The following DYRK1A variants were observed in gnomAD, a reference collection of about 807,000 sequenced individuals.
DYRK1A encodes the protein dual specificity tyrosine-phosphorylation-regulated kinase 1A.
In DYRK1A, 9 loss-of-function variants were observed where a neutral mutation model predicts 79.7. The observed-to-expected ratio is 0.11, with a 90% CI of 0.07 to 0.20. The LOEUF (loss-of-function observed/expected upper bound fraction) is 0.20, where lower values mean the gene tolerates loss of function less well. Ranked by LOEUF, DYRK1A falls within the 10% of genes least tolerant of loss-of-function variation. The probability of loss-of-function intolerance (pLI) is 1.00; values close to 1 mark genes in which losing one functional copy is unlikely to be tolerated. For synonymous variants in DYRK1A, 349 were observed against 329.7 expected (o/e 1.06, Z -0.63); for missense variants, 622 against 956.0 (o/e 0.65, Z 4.61).
chr21:37,473,086 T>TAACCAC (rs2052284956), intron 3 of DYRK1A, among the ~76,000 whole-genome samples: 1 of 152,246 alleles, frequency 6.6e-6, no homozygotes, highest in East Asian at 1.9e-4. Context: ...CTCATAAACA[T>TAACCAC]AACCACAGTC....
At chr21:37,434,638 A>T (rs919308995) in intron 2 of DYRK1A, among the ~76,000 whole-genome samples, 8 of 152,300 alleles carry the variant, frequency 5.3e-5, no homozygotes, top group African/African-American at 1.2e-4. Context: ...TATGAGTATT[A>T]TTTACTTGGT....
intron 4 of DYRK1A, 23 bp downstream of exon 4, chr21:37,478,323 A>T (rs979045780): frequency 6.2e-7 from 1 of 1,607,306 alleles, no homozygotes; most frequent in Non-Finnish European, 8.5e-7. Flanking sequence ...TTGTTATAAT[A>T]ACATCTATCT....
In DYRK1A at chr21:37,472,672, A is replaced by G. The variant is rs753071130; in HGVS notation, c.11-12A>G. ...TGAATATTTCCTTTAAACCTCACTTATCTTCTTGTAGGAGGAGAGACTTCA... is the reference window on the plus strand; with the variant it reads ...TGAATATTTCCTTTAAACCTCACTTGTCTTCTTGTAGGAGGAGAGACTTCA... On this transcript the variant is annotated splice_polypyrimidine_tract_variant and intron_variant, in intron 2 of 11. Coordinates refer to ENST00000647188, the MANE Select transcript of DYRK1A (RefSeq NM_001347721.2). The G allele has an allele frequency of 1.0e-5, 16 of 1,567,976 alleles. No individual in the cohort carries two copies. The highest frequency in any genetic ancestry group is 1.3e-5 in the Non-Finnish European group (15 of 1,150,574).
intron 3 of DYRK1A, among the ~76,000 whole-genome samples, chr21:37,477,793 C>T (rs913361658): frequency 2.3e-4 from 35 of 152,078 alleles, no homozygotes; most frequent in Non-Finnish European, 3.7e-4. Flanking sequence ...CCTCTGAGGG[C>T]TGGGTTTATC....
chr21:37,478,380 T>A, intron 4 of DYRK1A, 80 bp downstream of exon 4: 2 of 1,209,052 alleles, frequency 1.7e-6, no homozygotes, highest in Non-Finnish European at 2.3e-6. Context: ...TACCCTAAAC[T>A]TTTTTTTCAT....
chr21:37,385,719 G>A (rs1391240065), intron 1 of DYRK1A, among the ~76,000 whole-genome samples: 1 of 152,098 alleles, frequency 6.6e-6, no homozygotes, highest in Non-Finnish European at 1.5e-5. Context: ...TTGTTTCACC[G>A]GAATTTTAGA....
intron 3 of DYRK1A, 58 bp from the exon 4 acceptor site, chr21:37,478,150 T>A (rs777398209): frequency 1.2e-6 from 2 of 1,606,862 alleles, no homozygotes; most frequent in East Asian, 4.5e-5. Context: ...TATCTTATAG[T>A]TAAAGTGCTA....
At chr21:37,468,913 C>A (rs2052125983) in intron 2 of DYRK1A, among the ~76,000 whole-genome samples, 1 of 151,886 alleles carries the variant, frequency 6.6e-6, no homozygotes, top group Non-Finnish European at 1.5e-5. Flanking sequence ...TGCCTGTAAC[C>A]AATAGGGGCT....
At position 37,497,413 on chromosome 21, in the gene DYRK1A, T is replaced by C. The variant is rs2211840; in HGVS notation, c.1212+1155T>C. Among the ~76,000 whole-genome samples the C allele has an allele frequency of 9.0e-3, 1,365 of 152,272 alleles. 18 individuals are homozygous for C. The highest frequency in any genetic ancestry group is 0.032 in the African/African-American group (1,310 of 41,538). ...CATAAGGAAAGGATGGAAAATGCCA[T>C]CGAGACCTCCTGGGCTCTTGTTTTT... is the stretch of plus-strand genomic sequence containing the variant. On this transcript the variant is annotated intron_variant, in intron 9 of 11. Coordinates refer to ENST00000647188, the MANE Select transcript of DYRK1A (RefSeq NM_001347721.2).
At chr21:37,410,217 T>C (rs1412028904) in intron 1 of DYRK1A, among the ~76,000 whole-genome samples, 1 of 152,322 alleles carries the variant, frequency 6.6e-6, no homozygotes, top group African/African-American at 2.4e-5. Flanking sequence ...AGAAGAGAGA[T>C]GGAAAATCTT....
intron 1 of DYRK1A, among the ~76,000 whole-genome samples, chr21:37,402,310 T>C (rs1277047445): frequency 1.3e-5 from 2 of 152,202 alleles, no homozygotes; most frequent in African/African-American, 2.4e-5. Context: ...TCACTTTTTT[T>C]CCCTTCTTAC....
chr21:37,524,868 G>A lies in DYRK1A; in HGVS notation c.*12337G>A, dbSNP rs753987234. On this transcript the variant is annotated 3_prime_UTR_variant, in exon 12 of 12. Coordinates refer to ENST00000647188, the MANE Select transcript of DYRK1A (RefSeq NM_001347721.2). Reference sequence around the variant, plus strand: ...AGTCCCAACACTTTGGGAGGCCAAGGTGGGCAGATCACCTGAGGTCAGGAG... The same window carrying A: ...AGTCCCAACACTTTGGGAGGCCAAGATGGGCAGATCACCTGAGGTCAGGAG... The A allele has an allele frequency of 1.3e-5, 2 of 152,290 alleles. No homozygotes were observed. Among genetic ancestry groups the A allele is most frequent in the Non-Finnish European group, 2.9e-5 (2 of 68,098 alleles). The allele number at this position is 152,290 out of a possible 1,614,324, so 9.4% of individuals were successfully genotyped here. A position where few individuals can be genotyped will look rare whatever the true frequency, so the allele number is the denominator to read the frequency against.
rs1052462615 is a variant in DYRK1A, at chr21:37,519,929, T to C, written c.*7398T>C. The C allele has an allele frequency of 3.3e-5, 5 of 152,046 alleles. No homozygotes were observed. Among genetic ancestry groups the C allele is most frequent in the Non-Finnish European group, 7.3e-5 (5 of 68,088 alleles). The allele number at this position is 152,046 out of a possible 1,614,324, so 9.4% of individuals were successfully genotyped here. ...GCTAATTTTTTTTGTGTATTTTTAG[T>C]AGAGATGGGGTTTCACCATGTTAGG... On this transcript the variant is annotated 3_prime_UTR_variant, in exon 12 of 12. Transcript: ENST00000647188.
At chr21:37,453,861 C>G (rs947156960) in intron 2 of DYRK1A, among the ~76,000 whole-genome samples, 1 of 152,106 alleles carries the variant, frequency 6.6e-6, no homozygotes, top group Non-Finnish European at 1.5e-5. Flanking sequence ...TGTATCTCAA[C>G]ATCTTTACTT....
intron 2 of DYRK1A, 45 bp downstream of exon 2, chr21:37,420,429 G>A: frequency 6.2e-7 from 1 of 1,601,750 alleles, no homozygotes; most frequent in Non-Finnish European, 8.5e-7. Flanking sequence ...CTAAGAGAAT[G>A]TGGGAATCGA....
chr21:37,448,384 C>T (rs967194814), intron 2 of DYRK1A, among the ~76,000 whole-genome samples: 1 of 152,088 alleles, frequency 6.6e-6, no homozygotes, highest in African/African-American at 2.4e-5. Context: ...ACCTGAGAAA[C>T]TTCAGAACAA....
intron 1 of DYRK1A, among the ~76,000 whole-genome samples, chr21:37,412,669 T>C (rs2050265870): frequency 1.3e-5 from 2 of 152,176 alleles, no homozygotes; most frequent in African/African-American, 4.8e-5. Flanking sequence ...CATGAGGCAC[T>C]TCGAAAATGG....
intron 3 of DYRK1A, among the ~76,000 whole-genome samples, chr21:37,474,618 C>G (rs1286958116): frequency 6.6e-6 from 1 of 152,218 alleles, no homozygotes; most frequent in Non-Finnish European, 1.5e-5. Context: ...CCCTTCATAT[C>G]TGTTCCTTGG....
intron 1 of DYRK1A, among the ~76,000 whole-genome samples, chr21:37,371,559 A>G (rs555464967): frequency 5.9e-5 from 9 of 152,332 alleles, no homozygotes; most frequent in African/African-American, 1.2e-4. Flanking sequence ...TGTCTTGGCA[A>G]TTGGTTCTTA....
Sources: allele counts gnomAD v4.1 joint callset (sites outside exome capture counted in the v4.1 genomes callset), GRCh38; gene constraint gnomAD v4.1.1; transcripts MANE v1.5; gene names NCBI Gene and HGNC (gene_info 2026-07-23, HGNC 2026-07-21).